RAB27B: variants seen among roughly 807,000 people sequenced by gnomAD.
RAB27B encodes the protein ras-related protein Rab-27B.
RAB27B carries 15 observed loss-of-function variants against 24.6 expected under a neutral mutation model. That is an observed-to-expected ratio of 0.61 (90% CI 0.41 to 0.94). RAB27B has a LOEUF of 0.94. Ranked by LOEUF, RAB27B falls within the 40% of genes least tolerant of loss-of-function variation. The probability of loss-of-function intolerance (pLI) is 0.00; values close to 1 mark genes in which losing one functional copy is unlikely to be tolerated. For synonymous variants in RAB27B, 105 were observed against 92.5 expected (o/e 1.14, Z -0.78); for missense variants, 261 against 266.8 (o/e 0.98, Z 0.15).
At chr18:54,737,305 G>A (rs1227386347) in intron 2 of RAB27B, among the ~76,000 whole-genome samples, 1 of 152,120 alleles carries the variant, frequency 6.6e-6, no homozygotes, top group Non-Finnish European at 1.5e-5. Context: ...AGAGAAAGAG[G>A]CTACTCCCTT....
intron 2 of RAB27B, among the ~76,000 whole-genome samples, chr18:54,801,441 TAAAA>T (rs1439307740): frequency 6.6e-6 from 1 of 152,178 alleles, no homozygotes; most frequent in Non-Finnish European, 1.5e-5. Flanking sequence ...TTCTCTCTCT[TAAAA>T]AACTGGAAAA....
intron 2 of RAB27B, among the ~76,000 whole-genome samples, chr18:54,820,155 A>G (rs1910260059): frequency 6.6e-6 from 1 of 152,190 alleles, no homozygotes; most frequent in Non-Finnish European, 1.5e-5. Flanking sequence ...TAGCTGGGTC[A>G]AATGGTATTT....
chr18:54,859,436 T>A (rs987439221), intron 1 of RAB27B, among the ~76,000 whole-genome samples: 3 of 150,798 alleles, frequency 2.0e-5, no homozygotes, highest in African/African-American at 7.3e-5. Context: ...CATCAAACCA[T>A]CCACTTTCAA....
chr18:54,868,052 G>T (rs947604618), intron 1 of RAB27B, among the ~76,000 whole-genome samples: 1 of 152,096 alleles, frequency 6.6e-6, no homozygotes, highest in Non-Finnish European at 1.5e-5. Flanking sequence ...TGGGTCACAG[G>T]GTTGGTTCCC....
chr18:54,743,415 TATA>T (rs1473780999), intron 2 of RAB27B, among the ~76,000 whole-genome samples: 1 of 152,150 alleles, frequency 6.6e-6, no homozygotes, highest in Non-Finnish European at 1.5e-5. Context: ...GAAATGCAGC[TATA>T]ATATGTCAGA....
At chr18:54,851,086 T>C (rs1323683211) in intron 1 of RAB27B, among the ~76,000 whole-genome samples, 2 of 152,168 alleles carry the variant, frequency 1.3e-5, no homozygotes, top group Non-Finnish European at 2.9e-5. Context: ...ATTTGAGTTA[T>C]AGTCCGGCAA....
At chr18:54,847,904 A>G (rs1432432582) in intron 1 of RAB27B, among the ~76,000 whole-genome samples, 1 of 152,254 alleles carries the variant, frequency 6.6e-6, no homozygotes, top group African/African-American at 2.4e-5. Flanking sequence ...TAATTGAGCA[A>G]TGAACAATTC....
At chr18:54,833,062 G>A (rs777802210) in intron 1 of RAB27B, among the ~76,000 whole-genome samples, 60 of 152,222 alleles carry the variant, frequency 3.9e-4, no homozygotes, top group Admixed American at 1.5e-3. Flanking sequence ...AATACTTAAC[G>A]AAGGTGTTGT....
chr18:54,824,285 A>G (rs1180858523), upstream of RAB27B, among the ~76,000 whole-genome samples: 2 of 152,170 alleles, frequency 1.3e-5, no homozygotes, highest in African/African-American at 2.4e-5. Context: ...ATATCCTTTT[A>G]AAATTAGTTC....
chr18:54,864,496 A>G, intron 1 of RAB27B, among the ~76,000 whole-genome samples: 1 of 149,920 alleles, frequency 6.7e-6, no homozygotes, highest in Non-Finnish European at 1.5e-5. Flanking sequence ...AAAAGTTTTT[A>G]TTTTTTTTTC....
intron 2 of RAB27B, among the ~76,000 whole-genome samples, chr18:54,797,231 A>T (rs1393726983): frequency 6.6e-6 from 1 of 152,230 alleles, no homozygotes; most frequent in Non-Finnish European, 1.5e-5. Context: ...AAGTGGCCGG[A>T]CACAGTGGCC....
chr18:54,787,805 C>T (rs1598904769), intron 2 of RAB27B, among the ~76,000 whole-genome samples: 1 of 151,798 alleles, frequency 6.6e-6, no homozygotes, highest in East Asian at 1.9e-4. Context: ...GAATTTATGG[C>T]TTTGGCTCCA....
chr18:54,837,431 A>G (rs111327219), intron 1 of RAB27B, among the ~76,000 whole-genome samples: 22 of 152,280 alleles, frequency 1.4e-4, no homozygotes, highest in African/African-American at 5.1e-4. Flanking sequence ...ATTGAAAATC[A>G]GGCATACAAA....
Position 54,803,593 on chromosome 18 carries a change from T to A in RAB27B, c.-19-73974T>A, listed in dbSNP as rs551513888. On this transcript the variant is annotated intron_variant, in intron 2 of 4. Coordinates refer to the RAB27B transcript ENST00000586570. ...GGAAGCAGTTAGACCAATCAGGAAA[T>A]TACAGCGTAGTGCAAGCAAGAGATG... is the stretch of plus-strand genomic sequence containing the variant. Among the ~76,000 whole-genome samples the A allele has an allele frequency of 2.6e-5, 4 of 152,228 alleles. No individual in the cohort carries two copies. The South Asian group carries it at 8.3e-4, about 32-fold the overall frequency.
chr18:54,802,775 A>G (rs1392987430), intron 2 of RAB27B, among the ~76,000 whole-genome samples: 1 of 152,238 alleles, frequency 6.6e-6, no homozygotes, highest in East Asian at 1.9e-4. Flanking sequence ...ATAAAGTCTA[A>G]CTGGACCAGG....
chr18:54,876,800 A>G (rs1028375216), intron 1 of RAB27B, among the ~76,000 whole-genome samples: 3 of 152,210 alleles, frequency 2.0e-5, no homozygotes, highest in African/African-American at 4.8e-5. Flanking sequence ...TTATCTGTCT[A>G]TAAGTGATGT....
At chr18:54,882,312 A>C (rs1375180268) in intron 3 of RAB27B, among the ~76,000 whole-genome samples, 1 of 152,184 alleles carries the variant, frequency 6.6e-6, no homozygotes, top group East Asian at 1.9e-4. Context: ...TGCACTGTTT[A>C]ACTTCACAAA....
intron 2 of RAB27B, among the ~76,000 whole-genome samples, chr18:54,739,456 CAAAAAAAAAA>C (rs34119736): frequency 1.1e-5 from 1 of 94,564 alleles, no homozygotes; most frequent in African/African-American, 3.6e-5. Flanking sequence ...AACTCCATCT[CAAAAAAAAAA>C]AAAAAAAGAA....
chr18:54,862,515 C>G (rs181849988), intron 1 of RAB27B, among the ~76,000 whole-genome samples: 114 of 152,240 alleles, frequency 7.5e-4, no homozygotes, highest in African/African-American at 2.7e-3. Flanking sequence ...TACAGAGTCT[C>G]GAGATTCTGG....
Sources: allele counts gnomAD v4.1 joint callset (sites outside exome capture counted in the v4.1 genomes callset), GRCh38; gene constraint gnomAD v4.1.1; transcripts MANE v1.5; gene names NCBI Gene and HGNC (gene_info 2026-07-23, HGNC 2026-07-21).